NCAM2: variants seen among roughly 807,000 people sequenced by gnomAD.
NCAM2 encodes the protein neural cell adhesion molecule 2.
In NCAM2, 30 loss-of-function variants were observed where a neutral mutation model predicts 98.1. The ratio of observed to expected loss-of-function variants is 0.31; its 90% CI spans 0.23 to 0.41. The LOEUF is 0.41. NCAM2 is among the 10% of genes least tolerant of loss of function. The probability of loss-of-function intolerance (pLI) is 1.00; values close to 1 mark genes in which losing one functional copy is unlikely to be tolerated. For synonymous variants in NCAM2, 368 were observed against 342.4 expected (o/e 1.07, Z -0.83); for missense variants, 867 against 1,005.8 (o/e 0.86, Z 1.87).
chr21:21,404,456 T>C (rs2076695868), intron 9 of NCAM2, among the ~76,000 whole-genome samples: 1 of 152,142 alleles, frequency 6.6e-6, no homozygotes, highest in Admixed American at 6.6e-5. Context: ...CTGTCTTGTC[T>C]GCAGCCAGGG....
At chr21:21,516,113 C>A (rs775146746) in intron 16 of NCAM2, among the ~76,000 whole-genome samples, 5 of 152,022 alleles carry the variant, frequency 3.3e-5, no homozygotes, top group Non-Finnish European at 5.9e-5. Context: ...ACAAAAGGAA[C>A]AAAAGGCATC....
chr21:21,142,279 G>A (rs1004036283), intron 1 of NCAM2, among the ~76,000 whole-genome samples: 5 of 151,770 alleles, frequency 3.3e-5, no homozygotes, highest in African/African-American at 4.8e-5. Context: ...TGACTGAAAG[G>A]CACTTGGATA....
chr21:21,173,706 C>A (rs1169677705), intron 1 of NCAM2, among the ~76,000 whole-genome samples: 2 of 152,146 alleles, frequency 1.3e-5, no homozygotes, highest in Non-Finnish European at 2.9e-5. Flanking sequence ...AATCCTGAAT[C>A]ATCCTACATC....
Position 21,006,282 on chromosome 21 carries a change from A to G in NCAM2, c.55+7664A>G, listed in dbSNP as rs116641200. On this transcript the variant is annotated intron_variant, in intron 1 of 17. Coordinates refer to ENST00000400546, the MANE Select transcript of NCAM2 (RefSeq NM_004540.5). ...AGGACTTTGGGAGGCCAAGGCCGGC[A>G]GGTTGCTTGAGATCAGAAGTTTGAA... 9.9e-3 allele frequency among the ~76,000 whole-genome samples: 1,507 copies of G among 152,194 alleles called. 24 individuals are homozygous for G. The highest frequency in any genetic ancestry group is 0.034 in the African/African-American group (1,412 of 41,532).
intron 1 of NCAM2, among the ~76,000 whole-genome samples, chr21:21,033,913 G>A (rs187184617): frequency 4.9e-4 from 75 of 152,190 alleles, no homozygotes; most frequent in African/African-American, 1.7e-3. Context: ...GTATGTCAAA[G>A]TAATATATTT....
chr21:21,338,062 T>C (rs1201356668), intron 7 of NCAM2, among the ~76,000 whole-genome samples: 2 of 152,098 alleles, frequency 1.3e-5, no homozygotes, highest in Admixed American at 6.6e-5. Flanking sequence ...GAAATTTTGA[T>C]TTTGTGGCTT....
chr21:21,225,521 A>G (rs956840760), intron 1 of NCAM2, among the ~76,000 whole-genome samples: 1 of 152,148 alleles, frequency 6.6e-6, no homozygotes, highest in Non-Finnish European at 1.5e-5. Context: ...AATTAATGTC[A>G]TAGTTGTATC....
At position 21,194,383 on chromosome 21, in the gene NCAM2, T is replaced by C. The variant is rs565768320; in HGVS notation, c.56-86195T>C. Reference sequence around the variant, plus strand: ...AGAGAGTTGCTGAGTTATTATTATATCTTAGGACTTGACCTAAACTTTTTA... The same window carrying C: ...AGAGAGTTGCTGAGTTATTATTATACCTTAGGACTTGACCTAAACTTTTTA... On this transcript the variant is annotated intron_variant, in intron 1 of 17. Transcript: ENST00000400546. 3.9e-5 allele frequency among the ~76,000 whole-genome samples: 6 copies of C among 152,310 alleles called. No individual in the cohort carries two copies. The South Asian group carries it at 1.2e-3, about 32-fold the overall frequency.
intron 15 of NCAM2, among the ~76,000 whole-genome samples, chr21:21,480,214 A>G (rs571401746): frequency 1.3e-5 from 2 of 152,018 alleles, no homozygotes; most frequent in Admixed American, 1.3e-4. Context: ...AAAATACAAA[A>G]AAATTAGCTG....
intron 1 of NCAM2, among the ~76,000 whole-genome samples, chr21:21,206,428 C>T (rs2069440534): frequency 6.6e-6 from 1 of 152,062 alleles, no homozygotes; most frequent in Non-Finnish European, 1.5e-5. Context: ...ATTGATTCAC[C>T]TAATTATTCT....
chr21:21,238,216 C>T (rs2070919598), intron 1 of NCAM2, among the ~76,000 whole-genome samples: 1 of 152,032 alleles, frequency 6.6e-6, no homozygotes, highest in East Asian at 1.9e-4. Flanking sequence ...CTCGGCCTCC[C>T]AGAGTGCTGG....
intron 8 of NCAM2, among the ~76,000 whole-genome samples, chr21:21,361,805 C>T (rs930382956): frequency 2.6e-5 from 4 of 152,112 alleles, no homozygotes; most frequent in Non-Finnish European, 4.4e-5. Flanking sequence ...CTCAATCATC[C>T]CATTCTCATT....
At chr21:21,346,151 T>A (rs1348522828) in intron 8 of NCAM2, among the ~76,000 whole-genome samples, 1 of 145,888 alleles carries the variant, frequency 6.9e-6, no homozygotes, top group African/African-American at 2.5e-5. Flanking sequence ...ACAAGAAACA[T>A]ACTTCATCTA....
At position 21,523,336 on chromosome 21, in the gene NCAM2, GTC is replaced by G. The variant is rs572783877; in HGVS notation, c.2283-11197_2283-11196del. Among the ~76,000 whole-genome samples, 199 of 151,638 alleles carry G rather than the reference GTC, an allele frequency of 1.3e-3. No individual in the cohort carries two copies. In the Middle Eastern group the frequency reaches 0.014, roughly 10 times the overall value. On this transcript the variant is annotated intron_variant, in intron 16 of 17. Transcript: ENST00000400546. ...TCACGGGTTCAGATCTTAGACTTAA[GTC>G]TCTAATCAATTTTGATTTGATTTTT...
chr21:21,331,663 C>T (rs1170638133), intron 6 of NCAM2, among the ~76,000 whole-genome samples: 15 of 127,084 alleles, frequency 1.2e-4, no homozygotes, highest in African/African-American at 4.6e-4. Flanking sequence ...GATCTTGGCC[C>T]ACTGCAACCT....
At chr21:21,467,385 TA>T (rs1983826169) in intron 13 of NCAM2, among the ~76,000 whole-genome samples, 1 of 68,362 alleles carries the variant, frequency 1.5e-5, no homozygotes, top group African/African-American at 6.3e-5. Context: ...TATATCTTTA[TA>T]TATATATATA....
At chr21:21,319,040 A>C (rs1036209329) in intron 5 of NCAM2, among the ~76,000 whole-genome samples, 1 of 151,934 alleles carries the variant, frequency 6.6e-6, no homozygotes, top group Admixed American at 6.6e-5. Flanking sequence ...CTTGAGCCCA[A>C]GAGTTGGAGA....
At chr21:21,211,327 A>T (rs1405796662) in intron 1 of NCAM2, among the ~76,000 whole-genome samples, 5 of 152,130 alleles carry the variant, frequency 3.3e-5, no homozygotes, top group Non-Finnish European at 5.9e-5. Flanking sequence ...AGGAATTGTG[A>T]TACTTCATTT....
Position 21,324,469 on chromosome 21 carries a change from G to A in NCAM2, c.706G>A (p.Gly236Ser). Residue 236 changes from glycine (G) to serine (S), a missense_variant, in exon 6 of 18, where the codon GGC becomes AGC. Coordinates refer to ENST00000400546, the MANE Select transcript of NCAM2 (RefSeq NM_004540.5). ...AATGACATTTTCCTGCAGGGCCTCA[G>A]GCTCTCCAGAACCCGCCATCTCCTG... ...EEMTFSCRASGSPEPAISWFR... is the reference protein window; with the variant it reads ...EEMTFSCRASSSPEPAISWFR... The A allele has an allele frequency of 6.2e-7, 1 of 1,613,390 alleles. No homozygotes were observed.
Sources: gnomAD v4.1 joint callset for allele counts (sites outside exome capture counted in the v4.1 genomes callset) on GRCh38, gnomAD v4.1.1 for gene constraint, MANE v1.5 for transcripts, NCBI Gene and HGNC (gene_info 2026-07-23, HGNC 2026-07-21) for gene names.